GMDS: variants seen among roughly 807,000 people sequenced by gnomAD.
The protein encoded by GMDS is GDP-mannose 4,6 dehydratase.
In GMDS, 20 loss-of-function variants were observed where a neutral mutation model predicts 49.9. The observed-to-expected ratio is 0.40, with a 90% confidence interval of 0.28 to 0.58. The LOEUF is 0.58. GMDS is among the 20% of genes least tolerant of loss of function. The pLI is 0.42. For missense variants in GMDS, 362 were observed against 481.4 expected (o/e 0.75, Z 2.32); for synonymous variants, 177 against 178.6 (o/e 0.99, Z 0.07).
intron 4 of GMDS, among the ~76,000 whole-genome samples, chr6:2,011,290 TA>T (rs1235126434): frequency 1.3e-5 from 2 of 152,100 alleles, no homozygotes; most frequent in South Asian, 2.1e-4. Context: ...CTAAAAAGTC[TA>T]AAAATAGAAG....
chr6:1,834,458 C>A (rs540483761), intron 7 of GMDS, among the ~76,000 whole-genome samples: 1 of 152,010 alleles, frequency 6.6e-6, no homozygotes, highest in Admixed American at 6.6e-5. Context: ...CTTTTCTTAG[C>A]GCTTGACATC....
At chr6:1,930,573 AG>A (rs1762243357) in intron 6 of GMDS, 1 of 187,134 alleles carries the variant, frequency 5.3e-6, no homozygotes, top group Non-Finnish European at 1.1e-5. Flanking sequence ...AAAATTCAAA[AG>A]GGTTGTATAA....
chr6:1,642,271 A>G (rs1485662014), intron 9 of GMDS, among the ~76,000 whole-genome samples: 4 of 147,092 alleles, frequency 2.7e-5, no homozygotes, highest in Non-Finnish European at 5.9e-5. Flanking sequence ...GGTTCAAGAG[A>G]TTCTCCTGCC....
chr6:1,732,951 C>T (rs1191145892), intron 8 of GMDS, among the ~76,000 whole-genome samples: 1 of 152,214 alleles, frequency 6.6e-6, no homozygotes, highest in Non-Finnish European at 1.5e-5. Flanking sequence ...CCCGCAGGCC[C>T]CTCTACGTTG....
intron 7 of GMDS, among the ~76,000 whole-genome samples, chr6:1,888,977 G>T (rs184930631): frequency 6.6e-5 from 10 of 152,296 alleles, no homozygotes; most frequent in African/African-American, 2.4e-4. Context: ...GGGCCCCCAT[G>T]GCCTTGGGTA....
chr6:1,786,947 C>G (rs1176351865), intron 7 of GMDS, among the ~76,000 whole-genome samples: 2 of 152,140 alleles, frequency 1.3e-5, no homozygotes, highest in Non-Finnish European at 2.9e-5. Context: ...CTCACACGTA[C>G]CTACAGCCTC....
intron 9 of GMDS, among the ~76,000 whole-genome samples, chr6:1,657,306 G>A (rs1221693442): frequency 6.6e-6 from 1 of 152,288 alleles, no homozygotes; most frequent in Admixed American, 6.5e-5. Context: ...GCAGGTGCAA[G>A]GTGGACAGCA....
intron 4 of GMDS, among the ~76,000 whole-genome samples, chr6:1,986,371 A>C (rs114005710): frequency 0.038 from 5,780 of 152,268 alleles, 334 homozygotes; most frequent in African/African-American, 0.13. Flanking sequence ...TACGTGGTAC[A>C]ACGGCAGGGA....
intron 4 of GMDS, among the ~76,000 whole-genome samples, chr6:2,054,420 G>C (rs147823423): frequency 1.8e-3 from 273 of 152,172 alleles, no homozygotes; most frequent in African/African-American, 6.4e-3. Flanking sequence ...TAAAGGAATA[G>C]CTCTAGTGAA....
chr6:1,704,848 C>T (rs1298581913), intron 9 of GMDS, among the ~76,000 whole-genome samples: 3 of 108,256 alleles, frequency 2.8e-5, no homozygotes, highest in Admixed American at 1.2e-4. Context: ...GTTTTGGCGG[C>T]GGTGGAGAGG....
intron 2 of GMDS, among the ~76,000 whole-genome samples, chr6:2,122,418 C>A (rs1002126521): frequency 2.0e-5 from 3 of 152,084 alleles, no homozygotes; most frequent in South Asian, 4.1e-4. Context: ...ACCACCACTG[C>A]CCCCCACCCC....
At chr6:2,210,219 T>A (rs1050871256) in intron 1 of GMDS, among the ~76,000 whole-genome samples, 6 of 152,132 alleles carry the variant, frequency 3.9e-5, no homozygotes, top group African/African-American at 1.2e-4. Context: ...CCAGTTAGCA[T>A]CCCAGGTCCA....
chr6:1,928,424 G>A (rs1414501444), intron 7 of GMDS, among the ~76,000 whole-genome samples: 1 of 151,902 alleles, frequency 6.6e-6, no homozygotes, highest in African/African-American at 2.4e-5. Context: ...GATGCTGATG[G>A]CTAGAAGGCT....
At chr6:1,669,914 T>A (rs552332675) in intron 9 of GMDS, among the ~76,000 whole-genome samples, 1 of 29,762 alleles carries the variant, frequency 3.4e-5, no homozygotes, top group East Asian at 1.8e-3. Flanking sequence ...CGAGACTCCA[T>A]CTCAAAAAAA....
intron 7 of GMDS, among the ~76,000 whole-genome samples, chr6:1,919,189 G>A (rs1761581167): frequency 6.6e-6 from 1 of 152,210 alleles, no homozygotes; most frequent in South Asian, 2.1e-4. Flanking sequence ...CTGCCTTCAA[G>A]GAGCTTCCCC....
intron 4 of GMDS, among the ~76,000 whole-genome samples, chr6:1,991,799 G>A (rs916234001): frequency 5.3e-5 from 8 of 152,188 alleles, no homozygotes; most frequent in South Asian, 2.1e-4. Flanking sequence ...AGTACCTGCC[G>A]ATGTAATTTG....
intron 7 of GMDS, among the ~76,000 whole-genome samples, chr6:1,780,012 A>T (rs1304301786): frequency 6.6e-6 from 1 of 152,248 alleles, no homozygotes; most frequent in Non-Finnish European, 1.5e-5. Flanking sequence ...TTGAGGACAC[A>T]TCCCACCCAA....
chr6:2,043,154 T>A (rs1562000307), intron 4 of GMDS, among the ~76,000 whole-genome samples: 1 of 152,194 alleles, frequency 6.6e-6, no homozygotes, highest in Admixed American at 6.5e-5. Flanking sequence ...GAGGCAGAGA[T>A]GGTTTGCCCA....
chr6:1,815,640 T>G (rs1267667958), intron 7 of GMDS, among the ~76,000 whole-genome samples: 1 of 152,198 alleles, frequency 6.6e-6, no homozygotes, highest in Non-Finnish European at 1.5e-5. Flanking sequence ...TTATTAAAAA[T>G]AATCTATAAG....
Sources: allele counts gnomAD v4.1 joint callset (sites outside exome capture counted in the v4.1 genomes callset), GRCh38; gene constraint gnomAD v4.1.1; transcripts MANE v1.5; gene names NCBI Gene and HGNC (gene_info 2026-07-23, HGNC 2026-07-21).